The following SMUG1 variants were observed in gnomAD, a reference collection of about 807,000 sequenced individuals.
SMUG1 encodes single-strand-selective monofunctional uracil-DNA glycosylase 1.
In SMUG1, 13 loss-of-function variants were observed where a neutral mutation model predicts 23.9. The ratio of observed to expected loss-of-function variants is 0.54; its 90% CI spans 0.35 to 0.86. The LOEUF is 0.86. Ranked by LOEUF, SMUG1 falls within the 40% of genes least tolerant of loss-of-function variation. The pLI, the probability that SMUG1 is intolerant of heterozygous loss-of-function variation, is 0.01. For synonymous variants in SMUG1, 133 were observed against 139.8 expected (o/e 0.95, Z 0.34); for missense variants, 313 against 339.5 (o/e 0.92, Z 0.61).
In SMUG1 at chr12:54,182,503, C is replaced by T. The variant is rs866561490; in HGVS notation, c.406G>A (p.Val136Met). 1.2e-6 allele frequency: 2 copies of T among 1,614,146 alleles called. No homozygotes were observed. The highest frequency in any genetic ancestry group is 2.7e-5 in the African/African-American group (2 of 75,028). ...AAGCCCCAGAATCGGGCACCACTCA[C>T]TTCTGACTGTGGGCACTCCAGTCCC... The part of the protein sequence containing the change: ...VLGLECPQSE[V>M]SGARFWGFFR... Residue 136 changes from valine (V) to methionine (M), a missense_variant, in exon 4 of 4, where the codon GTG (valine) becomes ATG (methionine). By Grantham distance (21) the Val-to-Met change is conservative (BLOSUM62 1). Coordinates refer to ENST00000682136, the MANE Select transcript of SMUG1 (RefSeq NM_001243787.2).
chr12:54,173,178 C>CT (rs961633045), intron 2 of SMUG1: 6 of 154,012 alleles, frequency 3.9e-5, no homozygotes, highest in African/African-American at 1.4e-4. Flanking sequence ...GAAACAGCAG[C>CT]GAGAAAAGCA....
intron 1 of SMUG1, among the ~76,000 whole-genome samples, chr12:54,188,295 A>AATAATAATAATAAT (rs869289712): frequency 1.5e-5 from 1 of 68,900 alleles, no homozygotes; most frequent in Admixed American, 1.3e-4. Context: ...TAATAATAAT[A>AATAATAATAATAAT]AATAATAATA....
chr12:54,170,999 CTTTTT>C (rs200562796), intron 3 of SMUG1, among the ~76,000 whole-genome samples: 1 of 142,432 alleles, frequency 7.0e-6, no homozygotes, highest in African/African-American at 2.6e-5. Flanking sequence ...TTCTTTCTTT[CTTTTT>C]TTTTTTTTTG....
intron 3 of SMUG1, chr12:54,183,423 T>A (rs1805464600): frequency 1.7e-6 from 1 of 578,330 alleles, no homozygotes. Context: ...AGGCAATTAC[T>A]GGCCAGCTCA....
chr12:54,172,573 G>A (rs1178855709), intron 2 of SMUG1: 5 of 159,280 alleles, frequency 3.1e-5, no homozygotes, highest in South Asian at 3.7e-4. Context: ...GGTCTCCTGC[G>A]GGGCAGGGGG....
chr12:54,179,136 G>A (rs1022441735), downstream of SMUG1, among the ~76,000 whole-genome samples: 2 of 152,140 alleles, frequency 1.3e-5, no homozygotes, highest in African/African-American at 2.4e-5. Context: ...CTGCCCTGTC[G>A]GCTTCCCTAC....
chr12:54,188,743 G>A (rs1943135581), intron 1 of SMUG1: 1 of 152,238 alleles, frequency 6.6e-6, no homozygotes, highest in Non-Finnish European at 1.5e-5. Flanking sequence ...GGCGCCCGCT[G>A]GCTCCGGCCG....
intron 3 of SMUG1, among the ~76,000 whole-genome samples, chr12:54,168,974 T>C (rs889042710): frequency 6.6e-6 from 1 of 152,154 alleles, no homozygotes; most frequent in Non-Finnish European, 1.5e-5. Context: ...AGAAGCATAC[T>C]CAACCATGCT....
chr12:54,188,300 AT>A (rs1565844739), intron 1 of SMUG1, among the ~76,000 whole-genome samples: 1 of 115,732 alleles, frequency 8.6e-6, no homozygotes, highest in East Asian at 2.4e-4. Context: ...ATAATAAATA[AT>A]AATAATAATA....
chr12:54,160,565 G>A (rs74089903), downstream of SMUG1, among the ~76,000 whole-genome samples: 13,179 of 152,196 alleles, frequency 0.087, 1,306 homozygotes, highest in African/African-American at 0.24. Context: ...CAGGAGGGTC[G>A]TAGGAGGAGT....
chr12:54,178,865 G>C (rs978044128), downstream of SMUG1, among the ~76,000 whole-genome samples: 2 of 152,110 alleles, frequency 1.3e-5, no homozygotes, highest in African/African-American at 4.8e-5. Context: ...TAGTAGACTG[G>C]GAGAGGAAGA....
At chr12:54,182,897 T>G (rs941138172) in intron 3 of SMUG1, 2 of 467,598 alleles carry the variant, frequency 4.3e-6, no homozygotes, top group African/African-American at 2.0e-5. Flanking sequence ...CATTGAGATA[T>G]CTAGCCCTAC....
chr12:54,181,513 C>G lies in SMUG1; in HGVS notation c.*583G>C. 6.5e-7 allele frequency: 1 copy of G among 1,527,262 alleles called. No individual in the cohort carries two copies. The highest frequency in any genetic ancestry group is 1.2e-5 in the South Asian group (1 of 83,854). The allele number at this position is 1,527,262 out of a possible 1,614,324, so 94.6% of individuals were successfully genotyped here. A position where few individuals can be genotyped will look rare whatever the true frequency, so the allele number is the denominator to read the frequency against. ...TATTAATTTGTCAATCAAAAAGTTC[C>G]AAGTTTCAAAGCTGGGATGAAAAGC... On this transcript the variant is annotated 3_prime_UTR_variant, in exon 4 of 4. Transcript: ENST00000682136.
intron 1 of SMUG1, 27 bp downstream of exon 1, chr12:54,188,924 C>G (rs903064219): frequency 6.6e-6 from 1 of 152,188 alleles, no homozygotes; most frequent in African/African-American, 2.4e-5. Flanking sequence ...CCCACAGTCC[C>G]GGATTCCCAG....
chr12:54,165,974 GAGA>G (rs1381346826), intron 3 of SMUG1, among the ~76,000 whole-genome samples: 1 of 152,244 alleles, frequency 6.6e-6, no homozygotes, highest in Admixed American at 6.5e-5. Context: ...CTACAAGTGT[GAGA>G]AGATTTTGCC....
chr12:54,187,479 C>G (rs1444201698), intron 2 of SMUG1, among the ~76,000 whole-genome samples: 2 of 152,202 alleles, frequency 1.3e-5, no homozygotes, highest in Non-Finnish European at 2.9e-5. Context: ...CTTTGCATCT[C>G]CCCATGCAAC....
In SMUG1 at chr12:54,183,895, C is replaced by G; in HGVS notation, c.46G>C (p.Ala16Pro). The G allele has an allele frequency of 6.2e-7, 1 of 1,605,090 alleles. No individual in the cohort carries two copies. Among genetic ancestry groups the G allele is most frequent in the Non-Finnish European group, 8.5e-7 (1 of 1,175,898 alleles). ...LLGSIHEPAG[A>P]LMEPQPCPGS... ...GGGCAGGGCTGGGGCTCCATGAGGG[C>G]ACCTGCAGGCTCATGGATGGACCCC... The change falls in exon 3 of 4, where the codon GCC (alanine) becomes CCC (proline). Residue 16 changes from alanine (A) to proline (P), a missense_variant. By Grantham distance (27) the Ala-to-Pro change is conservative (BLOSUM62 -1). Transcript: ENST00000682136.
chr12:54,158,815 A>G (rs1254645623), intron 4 of SMUG1, among the ~76,000 whole-genome samples: 1 of 152,122 alleles, frequency 6.6e-6, no homozygotes, highest in Non-Finnish European at 1.5e-5. Flanking sequence ...AGACAGGAAA[A>G]TGATGATCTG....
Position 54,181,778 on chromosome 12 carries a change from G to A in SMUG1, c.*318C>T. 1 of 1,441,866 alleles carries A rather than the reference G, an allele frequency of 6.9e-7. No homozygotes were observed. Among genetic ancestry groups the A allele is most frequent in the South Asian group, 1.5e-5 (1 of 66,990 alleles). The allele number at this position is 1,441,866 out of a possible 1,614,324, so 89.3% of individuals were successfully genotyped here. A position where few individuals can be genotyped will look rare whatever the true frequency, so the allele number is the denominator to read the frequency against. On this transcript the variant is annotated 3_prime_UTR_variant, in exon 4 of 4. Coordinates refer to ENST00000682136, the MANE Select transcript of SMUG1 (RefSeq NM_001243787.2). ...TCTAGGGCACTCTCAGCTGAATAAA[G>A]TCTCCCAAGGAAACACTGAGGTAGA...
Sources: allele counts gnomAD v4.1 joint callset (sites outside exome capture counted in the v4.1 genomes callset), GRCh38; gene constraint gnomAD v4.1.1; transcripts MANE v1.5; gene names NCBI Gene and HGNC (gene_info 2026-07-23, HGNC 2026-07-21).